ZC3H12C: variants seen among roughly 807,000 people sequenced by gnomAD.
The protein encoded by ZC3H12C is probable ribonuclease ZC3H12C.
A neutral mutation model predicts 76.3 loss-of-function variants in ZC3H12C; 20 were observed. The ratio of observed to expected loss-of-function variants is 0.26; its 90% CI spans 0.18 to 0.38. The LOEUF (loss-of-function observed/expected upper bound fraction) is 0.38. Ranked by LOEUF, ZC3H12C falls within the 10% of genes least tolerant of loss-of-function variation. The pLI, the probability that ZC3H12C is intolerant of heterozygous loss-of-function variation, is 1.00. For missense variants in ZC3H12C, 874 were observed against 1,086.5 expected, an observed-to-expected ratio of 0.80 and a Z score of 2.75; for synonymous variants, 352 against 399.6, an observed-to-expected ratio of 0.88 and a Z score of 1.42.
At chr11:110,163,460 T>A in intron 5 of ZC3H12C, 81 bp downstream of exon 5, 1 of 1,179,754 alleles carries the variant, frequency 8.5e-7, no homozygotes, top group Non-Finnish European at 1.2e-6. Context: ...AATGAACACT[T>A]AAAATTTTGG....
At chr11:110,148,350 A>G (rs549581315) in intron 2 of ZC3H12C, among the ~76,000 whole-genome samples, 4 of 152,180 alleles carry the variant, frequency 2.6e-5, no homozygotes, top group Non-Finnish European at 4.4e-5. Flanking sequence ...TTTTATTTTT[A>G]AAAGAGAGAC....
chr11:110,110,674 A>G (rs1861409848), intron 1 of ZC3H12C, among the ~76,000 whole-genome samples: 2 of 149,714 alleles, frequency 1.3e-5, no homozygotes, highest in African/African-American at 4.9e-5. Context: ...CTGCCCTTTT[A>G]TTTCCCATTA....
chr11:110,103,675 G>A (rs187681482), intron 1 of ZC3H12C, among the ~76,000 whole-genome samples: 8 of 151,478 alleles, frequency 5.3e-5, no homozygotes, highest in South Asian at 2.1e-4. Context: ...GTGCGAACTC[G>A]GCTCACTGCA....
At chr11:110,111,271 C>G (rs1221174443) in intron 1 of ZC3H12C, among the ~76,000 whole-genome samples, 1 of 152,130 alleles carries the variant, frequency 6.6e-6, no homozygotes, top group Admixed American at 6.5e-5. Flanking sequence ...TGGATACTTA[C>G]TTGATGGTAT....
chr11:110,154,204 T>C (rs185771888), intron 3 of ZC3H12C, among the ~76,000 whole-genome samples: 49 of 152,192 alleles, frequency 3.2e-4, no homozygotes, highest in African/African-American at 1.1e-3. Context: ...AAACTCTGTT[T>C]CTACCAAAAA....
At chr11:110,135,163 G>C (rs190369612) in intron 1 of ZC3H12C, among the ~76,000 whole-genome samples, 6 of 152,186 alleles carry the variant, frequency 3.9e-5, no homozygotes, top group Non-Finnish European at 7.4e-5. Context: ...TGCTAATGCT[G>C]TATCTGCGTA....
Position 110,110,029 on chromosome 11 carries a change from T to G in ZC3H12C, c.21+16597T>G, listed in dbSNP as rs117752279. ...ACAAATGTTTGCCTGAATCTCAACT[T>G]TGAAGTCAAGCAGCCCACAGTAAAT... On this transcript the variant is annotated intron_variant, in intron 1 of 5. Transcript: ENST00000278590. Among the ~76,000 whole-genome samples, 7 of 152,252 alleles carry G rather than the reference T, an allele frequency of 4.6e-5. No homozygotes were observed. The South Asian group carries it at 8.3e-4, about 18-fold the overall frequency.
rs762939309 is a variant in ZC3H12C at position 110,136,840 on chromosome 11, A to G, written c.199A>G (p.Ser67Gly). 2.5e-6 allele frequency: 4 copies of G among 1,613,924 alleles called. No homozygotes were observed. The highest frequency in any genetic ancestry group is 3.4e-6 in the Non-Finnish European group (4 of 1,179,874). Residue 67 changes from serine to glycine, a missense_variant, in exon 2 of 6, where the codon AGT becomes GGT. Coordinates refer to ENST00000278590, the MANE Select transcript of ZC3H12C (RefSeq NM_033390.2). ...AVPWSTVENP[S>G]MDTVNVGKDE... The stretch of plus-strand genomic sequence containing the variant: ...ACCTTGGTCAACAGTAGAAAACCCA[A>G]GTATGGATACCGTTAATGTGGGGAA...
At chr11:110,098,927 C>G (rs1486280132) in intron 1 of ZC3H12C, among the ~76,000 whole-genome samples, 2 of 152,152 alleles carry the variant, frequency 1.3e-5, no homozygotes, top group South Asian at 2.1e-4. Flanking sequence ...ATAGATTTGT[C>G]TAGTATTGTG....
chr11:110,097,399 T>C (rs1861132777), intron 1 of ZC3H12C, among the ~76,000 whole-genome samples: 1 of 152,330 alleles, frequency 6.6e-6, no homozygotes, highest in East Asian at 1.9e-4. Flanking sequence ...CCTGCTTACC[T>C]GGAACATTTT....
At chr11:110,154,755 A>G (rs930368965) in intron 3 of ZC3H12C, among the ~76,000 whole-genome samples, 1 of 108,440 alleles carries the variant, frequency 9.2e-6, no homozygotes, top group Non-Finnish European at 1.9e-5. Context: ...CTTAAAAATG[A>G]TAATTGGCAA....
intron 3 of ZC3H12C, among the ~76,000 whole-genome samples, chr11:110,157,776 T>C (rs1217152189): frequency 1.3e-5 from 2 of 152,180 alleles, no homozygotes; most frequent in Non-Finnish European, 2.9e-5. Flanking sequence ...CGTGTCACTC[T>C]TCCATCTGTA....
At chr11:110,120,926 T>C (rs1229283658) in intron 1 of ZC3H12C, among the ~76,000 whole-genome samples, 1 of 152,182 alleles carries the variant, frequency 6.6e-6, no homozygotes, top group Non-Finnish European at 1.5e-5. Context: ...TCTTCAATAA[T>C]AATGGGTAGG....
chr11:110,103,228 C>A (rs1861251795), intron 1 of ZC3H12C, among the ~76,000 whole-genome samples: 1 of 152,178 alleles, frequency 6.6e-6, no homozygotes, highest in Non-Finnish European at 1.5e-5. Flanking sequence ...AGGGGCAATA[C>A]ACATTTGTCT....
chr11:110,097,223 G>A (rs1404129301), intron 1 of ZC3H12C, among the ~76,000 whole-genome samples: 1 of 152,184 alleles, frequency 6.6e-6, no homozygotes, highest in Non-Finnish European at 1.5e-5. Context: ...AAAGTATAAT[G>A]TACACGGTTT....
rs1403313850 is a variant in ZC3H12C, at chr11:110,117,721, CACATATATATATACACACACAT to C, written c.22-18940_22-18919del. On this transcript the variant is annotated intron_variant, in intron 1 of 5. Transcript: ENST00000278590. Reference sequence around the variant, plus strand: ...CATATATATTATATATATACACACACACATATATATATACACACACATATATATATTATATATACACACACAC... The same window carrying C: ...CATATATATTATATATATACACACACATATATATTATATATACACACACAC... 3.2e-3 allele frequency among the ~76,000 whole-genome samples: 44 copies of C among 13,604 alleles called. No homozygotes were observed. In the East Asian group the frequency reaches 0.054, roughly 17 times the overall value. The allele number at this position is 13,604 out of a possible 152,430, so 8.9% of individuals were successfully genotyped here. A position where few individuals can be genotyped will look rare whatever the true frequency, so the allele number is the denominator to read the frequency against.
chr11:110,164,283 C>T lies in ZC3H12C; in HGVS notation c.1256-58C>T. ...TACAAGTTAAAATCATAGGGCCAAA[C>T]TGAGTTTTCAGGATCTGATGGTATG... is the stretch of plus-strand genomic sequence containing the variant. On this transcript the variant is annotated intron_variant, in intron 5 of 5. Transcript: ENST00000278590. The surrounding 1 kb of genome is among the most constrained non-coding windows in gnomAD (Gnocchi z 5.7). 3 of 1,446,658 alleles carry T rather than the reference C, an allele frequency of 2.1e-6. No homozygotes were observed. The highest frequency in any genetic ancestry group is 1.4e-5 in the South Asian group (1 of 70,794). The allele number at this position is 1,446,658 out of a possible 1,614,324, so 89.6% of individuals were successfully genotyped here.
chr11:110,104,331 C>T (rs1191724418), intron 1 of ZC3H12C, among the ~76,000 whole-genome samples: 2 of 152,022 alleles, frequency 1.3e-5, no homozygotes, highest in African/African-American at 4.8e-5. Context: ...CTCCAAAGTG[C>T]TGGGATTAAG....
At chr11:110,132,698 C>A (rs1861889086) in intron 1 of ZC3H12C, among the ~76,000 whole-genome samples, 1 of 152,040 alleles carries the variant, frequency 6.6e-6, no homozygotes, top group African/African-American at 2.4e-5. Flanking sequence ...TTTTTGATAA[C>A]TATGGGAGTA....
Sources: allele counts gnomAD v4.1 joint callset (sites outside exome capture counted in the v4.1 genomes callset), GRCh38; gene constraint gnomAD v4.1.1; non-coding constraint Gnocchi (gnomAD v3.1); transcripts MANE v1.5; gene names NCBI Gene and HGNC (gene_info 2026-07-23, HGNC 2026-07-21).